Variants in IARS1 observed in about 807,000 individuals in gnomAD.
IARS1 encodes isoleucyl-tRNA synthetase 1, also known as isoleucine--tRNA ligase, cytoplasmic.
A neutral mutation model predicts 168.2 loss-of-function variants in IARS1; 124 were observed. The ratio of observed to expected loss-of-function variants is 0.74; its 90% CI spans 0.64 to 0.86. The LOEUF (loss-of-function observed/expected upper bound fraction) is 0.86. IARS1 is among the 40% of genes least tolerant of loss of function. The probability of loss-of-function intolerance (pLI) is 0.00; values close to 1 mark genes in which losing one functional copy is unlikely to be tolerated. For missense variants in IARS1, 1,452 were observed against 1,515.8 expected (o/e 0.96, Z 0.70); for synonymous variants, 532 against 529.4 (o/e 1.00, Z -0.07).
Position 92,265,094 on chromosome 9 carries a change from C to G in IARS1, c.1535G>C (p.Cys512Ser). ...GATGCGGTGCAAGGATCCCTTCCCA[C>G]AGCGTGAAGGAATGGTCAGGTGGTC... Reference protein sequence around the residue: ...SVDHLTIPSRCGKGSLHRISE... With the variant: ...SVDHLTIPSRSGKGSLHRISE... The change falls in exon 16 of 34, where the codon TGT becomes TCT. Residue 512 changes from cysteine to serine, a missense_variant. Cys to Ser is a moderately radical substitution (Grantham distance 112). Transcript: ENST00000443024. The G allele has an allele frequency of 1.2e-6, 2 of 1,613,850 alleles. No individual in the cohort carries two copies. Among genetic ancestry groups the G allele is most frequent in the South Asian group, 2.2e-5 (2 of 91,018 alleles).
At chr9:92,237,297 T>C (rs1827685756) in intron 30 of IARS1, among the ~76,000 whole-genome samples, 1 of 152,206 alleles carries the variant, frequency 6.6e-6, no homozygotes, top group Non-Finnish European at 1.5e-5. Flanking sequence ...TCCCTAATCA[T>C]GGATAATTTA....
Position 92,271,076 on chromosome 9 carries a change from C to A in IARS1, c.1114G>T (p.Asp372Tyr), listed in dbSNP as rs761413821. The change falls in exon 12 of 34, where the codon GAT (aspartate) becomes TAT (tyrosine). Residue 372 changes from aspartate (D) to tyrosine (Y), a missense_variant and splice_region_variant. Asp to Tyr is a radical substitution (Grantham distance 160). Transcript: ENST00000443024. ...GTCCTGATGATACTTTTGTCAGCAT[C>A]CTATTAAAAAAAATTAAAATTTAGC... ...VTDFAGQYVKDADKSIIRTLK... is the reference protein window; with the variant it reads ...VTDFAGQYVKYADKSIIRTLK... 3 of 1,587,410 alleles carry A rather than the reference C, an allele frequency of 1.9e-6. No individual in the cohort carries two copies. Among genetic ancestry groups the A allele is most frequent in the Non-Finnish European group, 2.6e-6 (3 of 1,166,402 alleles).
At chr9:92,291,984 A>G (rs933967122) in intron 1 of IARS1, among the ~76,000 whole-genome samples, 20 of 151,878 alleles carry the variant, frequency 1.3e-4, no homozygotes, top group Admixed American at 7.9e-4. Flanking sequence ...TTGAGAAAAT[A>G]AGATTTAAGC....
intron 30 of IARS1, among the ~76,000 whole-genome samples, chr9:92,233,578 A>G (rs2133522839): frequency 6.6e-6 from 1 of 152,348 alleles, no homozygotes; most frequent in South Asian, 2.1e-4. Context: ...CACAATGGCA[A>G]TGACATTTTA....
intron 30 of IARS1, among the ~76,000 whole-genome samples, chr9:92,234,354 T>G (rs1378721391): frequency 6.6e-6 from 1 of 152,236 alleles, no homozygotes; most frequent in Non-Finnish European, 1.5e-5. Flanking sequence ...ATGAATGCTT[T>G]CAGCAGGACA....
intron 29 of IARS1, 101 bp downstream of exon 29, chr9:92,242,053 T>C (rs182830927): frequency 2.6e-4 from 227 of 871,186 alleles, no homozygotes; most frequent in Middle Eastern, 1.8e-3. Flanking sequence ...CAGAGTGCTG[T>C]GCCGATCTCT....
intron 16 of IARS1, among the ~76,000 whole-genome samples, chr9:92,263,665 A>G (rs1034456293): frequency 6.6e-6 from 1 of 152,160 alleles, no homozygotes; most frequent in African/African-American, 2.4e-5. Flanking sequence ...TAACATAAAC[A>G]CTGATCCAGA....
Position 92,222,547 on chromosome 9 carries a change from G to A in IARS1, c.3679C>T (p.Leu1227=). The change falls in exon 33 of 34, where the codon CTG becomes TTG. Residue 1227 remains leucine, a synonymous_variant. Transcript: ENST00000443024. ...VFGLRSRKLK[L]FLNETQTQEI... ...TGCGTTTGGGTCTCATTCAGAAACA[G>A]CTTTAGCTTCCTGCTCCGAAGGCCA... 1 of 1,614,002 alleles carries A rather than the reference G, an allele frequency of 6.2e-7. No homozygotes were observed.
rs1245025094 is a variant in IARS1 at position 92,287,918 on chromosome 9, T to C, written c.277-8A>G. The C allele has an allele frequency of 1.2e-6, 2 of 1,613,682 alleles. No homozygotes were observed. Among genetic ancestry groups the C allele is most frequent in the Admixed American group, 1.7e-5 (1 of 59,924 alleles). On this transcript the variant is annotated splice_polypyrimidine_tract_variant and splice_region_variant and intron_variant, in intron 3 of 33. Transcript: ENST00000443024. ...CTTATCAATTTCATATTCCTGAAAA[T>C]TTGTGATAAGACTGTTACCACGCTG...
chr9:92,217,500 G>A (rs1280988221), intron 33 of IARS1, among the ~76,000 whole-genome samples: 2 of 139,932 alleles, frequency 1.4e-5, no homozygotes, highest in Admixed American at 6.9e-5. Flanking sequence ...TTTTTTGAAA[G>A]GATCAACAAA....
chr9:92,262,069 A>T (rs1244221705), intron 17 of IARS1, among the ~76,000 whole-genome samples: 1 of 54,046 alleles, frequency 1.9e-5, no homozygotes, highest in Non-Finnish European at 3.5e-5. Flanking sequence ...ATTTTCAATT[A>T]AAAAAAAAAA....
At chr9:92,232,119 C>T (rs1271887360) in intron 30 of IARS1, among the ~76,000 whole-genome samples, 2 of 151,900 alleles carry the variant, frequency 1.3e-5, no homozygotes, top group Non-Finnish European at 2.9e-5. Context: ...TGAAGACTGC[C>T]GAACATGCAC....
chr9:92,232,456 T>G (rs1437755933), intron 30 of IARS1, among the ~76,000 whole-genome samples: 2 of 152,126 alleles, frequency 1.3e-5, no homozygotes. Context: ...TTTGGTAAGG[T>G]GAAGCTATGA....
intron 31 of IARS1, among the ~76,000 whole-genome samples, chr9:92,225,871 C>A (rs2133434363): frequency 6.6e-6 from 1 of 152,314 alleles, no homozygotes; most frequent in East Asian, 1.9e-4. Flanking sequence ...TGTGAATCTG[C>A]CAACTTGTTG....
Position 92,278,204 on chromosome 9 carries a change from A to G in IARS1, c.828T>C (p.Leu276=), listed in dbSNP as rs749568536. The change falls in exon 8 of 34, where the codon CTT becomes CTC. Residue 276 remains leucine, a synonymous_variant. Transcript: ENST00000443024. ...GCAACTATTTGAATATTCACCTTTCAAGGATCTCATAGTCACTCTCCAATT... is the reference window on the plus strand; with the variant it reads ...GCAACTATTTGAATATTCACCTTTCGAGGATCTCATAGTCACTCTCCAATT... ...LYKLESDYEI[L]ERFPGAYLKG... 6.3e-7 allele frequency: 1 copy of G among 1,585,522 alleles called. No homozygotes were observed. The highest frequency in any genetic ancestry group is 8.7e-7 in the Non-Finnish European group (1 of 1,153,794).
chr9:92,224,587 T>C (rs530958898), intron 31 of IARS1, among the ~76,000 whole-genome samples: 14 of 152,264 alleles, frequency 9.2e-5, no homozygotes, highest in Admixed American at 9.2e-4. Context: ...CCTGTAATCC[T>C]ATCACTCTGG....
At chr9:92,260,363 T>C (rs891386449) in intron 17 of IARS1, 129 bp from the exon 18 acceptor site, 2 of 721,594 alleles carry the variant, frequency 2.8e-6, no homozygotes, top group African/African-American at 3.5e-5. Context: ...AGATAGAAGT[T>C]AGTGCTAATA....
intron 10 of IARS1, 39 bp downstream of exon 10, chr9:92,274,387 G>C (rs200098824): frequency 1.3e-6 from 2 of 1,494,694 alleles, no homozygotes; most frequent in Non-Finnish European, 1.9e-6. Context: ...AGTGGCTACC[G>C]ACATACTCAA....
At chr9:92,272,144 A>G (rs1056316871) in intron 10 of IARS1, among the ~76,000 whole-genome samples, 1 of 152,268 alleles carries the variant, frequency 6.6e-6, no homozygotes, top group African/African-American at 2.4e-5. Context: ...GCTAGGATTC[A>G]AAACCAAACA....
Sources: allele counts gnomAD v4.1 joint callset (sites outside exome capture counted in the v4.1 genomes callset), GRCh38; gene constraint gnomAD v4.1.1; transcripts MANE v1.5; gene names NCBI Gene and HGNC (gene_info 2026-07-23, HGNC 2026-07-21).